STX16: variants seen among roughly 807,000 people sequenced by gnomAD.
STX16 encodes the protein syntaxin-16.
Under a neutral mutation model 42.7 loss-of-function variants are expected in STX16, and 28 were observed. The observed-to-expected ratio is 0.66, with a 90% CI of 0.49 to 0.90. The LOEUF (loss-of-function observed/expected upper bound fraction) is 0.90. STX16 is among the 40% of genes least tolerant of loss of function. The pLI is 0.00. For missense variants in STX16, 361 were observed against 420.9 expected, an observed-to-expected ratio of 0.86 and a Z score of 1.24; for synonymous variants, 156 against 155.2, an observed-to-expected ratio of 1.00 and a Z score of -0.04.
At chr20:58,669,760 T>G (rs1203060551) in intron 5 of STX16, among the ~76,000 whole-genome samples, 1 of 152,222 alleles carries the variant, frequency 6.6e-6, no homozygotes, top group African/African-American at 2.4e-5. Flanking sequence ...TTTAAAAACC[T>G]GTTGTTTTCT....
chr20:58,676,850 A>G lies in STX16; in HGVS notation c.*559A>G, dbSNP rs1445760732. Reference sequence around the variant, plus strand: ...AATCCGTTCCCCATTAACTTAATTTAGCTTTTCCATCACTGTTAATGATCA... The same window carrying G: ...AATCCGTTCCCCATTAACTTAATTTGGCTTTTCCATCACTGTTAATGATCA... On this transcript the variant is annotated 3_prime_UTR_variant, in exon 9 of 9. Coordinates refer to ENST00000371141, the MANE Select transcript of STX16 (RefSeq NM_001001433.3). 1.3e-5 allele frequency: 2 copies of G among 152,700 alleles called. No homozygotes were observed. Among genetic ancestry groups the G allele is most frequent in the Non-Finnish European group, 2.9e-5 (2 of 68,064 alleles). 9.5% of individuals were successfully genotyped at this position (152,700 alleles called of 1,614,324 possible). A position where few individuals can be genotyped will look rare whatever the true frequency, so the allele number is the denominator to read the frequency against.
At chr20:58,674,203 A>G (rs921513769) in intron 8 of STX16, among the ~76,000 whole-genome samples, 3 of 152,162 alleles carry the variant, frequency 2.0e-5, no homozygotes, top group African/African-American at 7.2e-5. Context: ...TATCTGTATT[A>G]CCTTGAGAAA....
intron 7 of STX16, among the ~76,000 whole-genome samples, 179 bp from the exon 8 acceptor site, chr20:58,673,452 C>T (rs554448232): frequency 1.6e-4 from 25 of 152,276 alleles, no homozygotes; most frequent in Non-Finnish European, 3.4e-4. Flanking sequence ...ATTCTGCCAT[C>T]GAGCTCCTGA....
In STX16 at chr20:58,667,549, T is replaced by C; in HGVS notation, c.204T>C (p.Ile68=). Residue 68 remains isoleucine (I), a synonymous_variant, in exon 3 of 9, where the codon ATT becomes ATC. Coordinates refer to ENST00000371141, the MANE Select transcript of STX16 (RefSeq NM_001001433.3). ...TCAGCTTAGATCCAGAAGCAGCGAT[T>C]GGTGTGACAAAACGGCCACCTCCTA... The part of the protein sequence containing the change: ...SGISLDPEAA[I]GVTKRPPPKW... 1.2e-6 allele frequency: 2 copies of C among 1,614,184 alleles called. No homozygotes were observed. The highest frequency in any genetic ancestry group is 1.7e-6 in the Non-Finnish European group (2 of 1,180,036).
intron 2 of STX16, among the ~76,000 whole-genome samples, chr20:58,665,286 G>A (rs2083795853): frequency 6.6e-6 from 1 of 152,172 alleles, no homozygotes; most frequent in Admixed American, 6.5e-5. Flanking sequence ...ACTCACTGGC[G>A]GCCTGTCCTA....
At chr20:58,672,666 C>A (rs1237777862) in intron 7 of STX16, among the ~76,000 whole-genome samples, 2 of 152,174 alleles carry the variant, frequency 1.3e-5, no homozygotes, top group African/African-American at 4.8e-5. Flanking sequence ...ATATTCTCTT[C>A]CCATGCCTCG....
At chr20:58,666,868 G>C (rs540313125) in intron 2 of STX16, among the ~76,000 whole-genome samples, 1 of 152,356 alleles carries the variant, frequency 6.6e-6, no homozygotes, top group Admixed American at 6.5e-5. Flanking sequence ...GACAGTGTAA[G>C]ATTGCATTGA....
intron 5 of STX16, 93 bp from the exon 6 acceptor site, chr20:58,670,419 T>C: frequency 2.0e-6 from 2 of 986,802 alleles, no homozygotes; most frequent in East Asian, 2.4e-5. Context: ...ATTTTGACTG[T>C]TGGAGTTTAC....
chr20:58,668,739 T>C (rs1028638390), intron 4 of STX16, among the ~76,000 whole-genome samples: 2 of 151,818 alleles, frequency 1.3e-5, no homozygotes, highest in Non-Finnish European at 2.9e-5. Flanking sequence ...ATGGGACTAA[T>C]AATCATAGTA....
At chr20:58,672,446 C>G (rs1369816575) in intron 7 of STX16, among the ~76,000 whole-genome samples, 1 of 151,828 alleles carries the variant, frequency 6.6e-6, no homozygotes, top group East Asian at 1.9e-4. Context: ...TGTGTTTAGA[C>G]TTGGGTCCCA....
rs777100169 is a variant in STX16, at chr20:58,652,105, C to T, written c.99C>T (p.Thr33=). 3 of 1,614,066 alleles carry T rather than the reference C, an allele frequency of 1.9e-6. No individual in the cohort carries two copies. Among genetic ancestry groups the T allele is most frequent in the Admixed American group, 1.7e-5 (1 of 60,008 alleles). ...LLAEQVSSHI[T]SSPLHSRSIA... ...CCGAGCAAGTGAGTAGTCACATCAC[C>T]TCCAGCCCTCTGCATTCACGTAGCA... Residue 33 remains threonine (T), a synonymous_variant, in exon 1 of 9, where the codon ACC becomes ACT. Transcript: ENST00000371141.
intron 2 of STX16, among the ~76,000 whole-genome samples, chr20:58,663,259 A>G (rs2083743110): frequency 6.6e-6 from 1 of 152,188 alleles, no homozygotes; most frequent in South Asian, 2.1e-4. Flanking sequence ...ATCTTAGTCT[A>G]CACTAAATCA....
chr20:58,664,615 T>A (rs1348151979), intron 2 of STX16, among the ~76,000 whole-genome samples: 1 of 152,168 alleles, frequency 6.6e-6, no homozygotes, highest in East Asian at 1.9e-4. Context: ...TTGATTTACA[T>A]CTAATTTGAG....
chr20:58,662,242 A>G (rs947097160), intron 2 of STX16, among the ~76,000 whole-genome samples: 2 of 151,286 alleles, frequency 1.3e-5, no homozygotes, highest in African/African-American at 4.9e-5. Flanking sequence ...CACATCTGGG[A>G]GTGCCTGGGC....
At chr20:58,670,433 A>T in intron 5 of STX16, 79 bp from the exon 6 acceptor site, 1 of 1,176,450 alleles carries the variant, frequency 8.5e-7, no homozygotes, top group East Asian at 2.4e-5. Flanking sequence ...AGTTTACTCT[A>T]GAATTCCCCC....
intron 2 of STX16, among the ~76,000 whole-genome samples, chr20:58,662,466 G>A (rs1026417294): frequency 1.3e-5 from 2 of 152,260 alleles, no homozygotes; most frequent in Middle Eastern, 3.4e-3. Flanking sequence ...ACAGTATCAG[G>A]GTGATGTGAT....
chr20:58,676,279 G>C lies in STX16; in HGVS notation c.966G>C (p.Val322=). 1 of 1,614,166 alleles carries C rather than the reference G, an allele frequency of 6.2e-7. No homozygotes were observed. The highest frequency in any genetic ancestry group is 8.5e-7 in the Non-Finnish European group (1 of 1,179,968). Residue 322 remains valine (V), a synonymous_variant, in exon 9 of 9, where the codon GTG becomes GTC. Transcript: ENST00000371141. The part of the protein sequence containing the change: ...IIVLIVVLVG[V]KSR ...TGCTCATTGTTGTCCTCGTTGGCGT[G>C]AAGTCTCGATAAGTGGCATTGGGTT...
At chr20:58,663,697 G>A (rs973151525) in intron 2 of STX16, among the ~76,000 whole-genome samples, 13 of 151,616 alleles carry the variant, frequency 8.6e-5, no homozygotes, top group African/African-American at 2.9e-4. Flanking sequence ...GTATTGAGAT[G>A]GAGTCTCGCT....
intron 1 of STX16, among the ~76,000 whole-genome samples, chr20:58,653,415 G>A (rs2083517481): frequency 6.6e-6 from 1 of 152,176 alleles, no homozygotes; most frequent in Non-Finnish European, 1.5e-5. Flanking sequence ...AGCCGTGTGA[G>A]CGGTTTCAGG....
Sources: gnomAD v4.1 joint callset for allele counts (sites outside exome capture counted in the v4.1 genomes callset) on GRCh38, gnomAD v4.1.1 for gene constraint, MANE v1.5 for transcripts, NCBI Gene and HGNC (gene_info 2026-07-23, HGNC 2026-07-21) for gene names.